The following CCSER1 variants were observed in gnomAD, a reference collection of about 807,000 sequenced individuals.
The protein encoded by CCSER1 is coiled-coil serine rich protein 1.
Under a neutral mutation model 82.0 loss-of-function variants are expected in CCSER1, and 41 were observed. The observed-to-expected ratio is 0.50, with a 90% CI of 0.39 to 0.65. CCSER1 has a LOEUF of 0.65. Among genes scored for constraint, CCSER1 ranks in the 30% least tolerant of loss-of-function variants. The pLI, the probability that CCSER1 is intolerant of heterozygous loss-of-function variation, is 0.00. For missense variants in CCSER1, 1,119 were observed against 1,064.2 expected (o/e 1.05, Z -0.72); for synonymous variants, 414 against 383.9 (o/e 1.08, Z -0.92).
At chr4:91,106,365 C>T (rs1725614973) in intron 10 of CCSER1, among the ~76,000 whole-genome samples, 1 of 152,130 alleles carries the variant, frequency 6.6e-6, no homozygotes, top group Non-Finnish European at 1.5e-5. Flanking sequence ...AAATATGTCT[C>T]CAGTGTAAAA....
At chr4:90,582,972 C>T (rs2148646958) in intron 5 of CCSER1, among the ~76,000 whole-genome samples, 1 of 152,228 alleles carries the variant, frequency 6.6e-6, no homozygotes, top group Non-Finnish European at 1.5e-5. Context: ...AGAATCATTA[C>T]TAATACCATT....
At position 90,835,626 on chromosome 4, in the gene CCSER1, T is replaced by C. The variant is rs532430419; in HGVS notation, c.2094+19781T>C. 1.8e-4 allele frequency among the ~76,000 whole-genome samples: 27 copies of C among 152,290 alleles called. 1 individual carries two copies. In the South Asian group the frequency reaches 2.1e-3, roughly 12 times the overall value. ...TTTAAATCTGGTTGCAAGACATTTT[T>C]TTTTTCTTTCTTCATACATCATCGA... On this transcript the variant is annotated intron_variant, in intron 8 of 10. Coordinates refer to ENST00000509176, the MANE Select transcript of CCSER1 (RefSeq NM_001145065.2).
intron 1 of CCSER1, among the ~76,000 whole-genome samples, chr4:90,236,834 T>G (rs1258191646): frequency 3.9e-5 from 6 of 152,244 alleles, no homozygotes; most frequent in African/African-American, 1.4e-4. Flanking sequence ...TGTTAGATGT[T>G]GTCATACTGT....
At chr4:91,474,051 G>T (rs1185478417) in intron 10 of CCSER1, among the ~76,000 whole-genome samples, 1 of 152,028 alleles carries the variant, frequency 6.6e-6, no homozygotes, top group Non-Finnish European at 1.5e-5. Context: ...GATTTTCAGA[G>T]TCATGAGTAA....
Position 91,432,049 on chromosome 4 carries a change from C to T in CCSER1, c.2218-166523C>T, listed in dbSNP as rs190289225. Reference sequence around the variant, plus strand: ...GGATCACCAGGGCAGTTCCCCTATGCTGTTCTCATGATAGTGAGGGAGTTC... The same window carrying T: ...GGATCACCAGGGCAGTTCCCCTATGTTGTTCTCATGATAGTGAGGGAGTTC... On this transcript the variant is annotated intron_variant, in intron 10 of 10. Transcript: ENST00000509176. 1.6e-3 allele frequency among the ~76,000 whole-genome samples: 246 copies of T among 152,214 alleles called. 1 individual carries two copies. Among genetic ancestry groups the T allele is most frequent in the Non-Finnish European group, 2.9e-3 (198 of 68,024 alleles).
chr4:91,308,335 C>T (rs971051683), intron 10 of CCSER1, among the ~76,000 whole-genome samples: 3 of 151,956 alleles, frequency 2.0e-5, no homozygotes, highest in Non-Finnish European at 4.4e-5. Flanking sequence ...TTATGCTAGA[C>T]ATTAAAATGT....
chr4:90,863,094 C>T (rs999736416), intron 8 of CCSER1, among the ~76,000 whole-genome samples: 11 of 151,352 alleles, frequency 7.3e-5, no homozygotes, highest in African/African-American at 2.4e-4. Context: ...CCCCGCTCCC[C>T]CCACCCCACA....
At chr4:90,268,896 T>C (rs1271978305) in intron 1 of CCSER1, among the ~76,000 whole-genome samples, 1 of 151,916 alleles carries the variant, frequency 6.6e-6, no homozygotes, top group Non-Finnish European at 1.5e-5. Flanking sequence ...TAAGAGTAGC[T>C]ACACTTACAT....
chr4:91,054,945 G>C (rs892797379), intron 9 of CCSER1, among the ~76,000 whole-genome samples: 1 of 152,162 alleles, frequency 6.6e-6, no homozygotes, highest in African/African-American at 2.4e-5. Flanking sequence ...GCCAATCTCT[G>C]TCATTCTATC....
rs1730348565 is a variant in CCSER1, at chr4:90,933,027, AG to A, written c.2172+9581del. ...AAGAAAGAAAGAAAGAAAGAAAGAAAGAAAGAAAGAAAGAAAGAGAAGGAAG... is the reference window on the plus strand; with the variant it reads ...AAGAAAGAAAGAAAGAAAGAAAGAAAAAAGAAAGAAAGAAAGAGAAGGAAG... On this transcript the variant is annotated intron_variant, in intron 9 of 10. Transcript: ENST00000509176. Among the ~76,000 whole-genome samples, 2 of 83,806 alleles carry A rather than the reference AG, an allele frequency of 2.4e-5. 1 individual carries two copies. Among genetic ancestry groups the A allele is most frequent in the Non-Finnish European group, 4.5e-5 (2 of 44,582 alleles). 55.0% of individuals were successfully genotyped at this position (83,806 alleles called of 152,430 possible). A position where few individuals can be genotyped will look rare whatever the true frequency, so the allele number is the denominator to read the frequency against.
intron 8 of CCSER1, among the ~76,000 whole-genome samples, chr4:90,888,456 A>G (rs1301439817): frequency 2.0e-5 from 3 of 152,104 alleles, no homozygotes; most frequent in South Asian, 4.1e-4. Flanking sequence ...AATCCTTTCT[A>G]TTTTCTGAAA....
intron 7 of CCSER1, among the ~76,000 whole-genome samples, chr4:90,758,744 T>A (rs1420398966): frequency 6.6e-6 from 1 of 152,116 alleles, no homozygotes; most frequent in African/African-American, 2.4e-5. Flanking sequence ...CTGCAAAGAA[T>A]GATAAAATGA....
intron 5 of CCSER1, among the ~76,000 whole-genome samples, chr4:90,481,520 G>C (rs115347424): frequency 0.015 from 2,224 of 152,102 alleles, 34 homozygotes; most frequent in African/African-American, 0.043. Flanking sequence ...CATAGAAAGC[G>C]CTTATTATTT....
intron 5 of CCSER1, among the ~76,000 whole-genome samples, chr4:90,597,220 G>A (rs190762243): frequency 2.2e-4 from 34 of 151,992 alleles, no homozygotes; most frequent in African/African-American, 7.7e-4. Flanking sequence ...ACCTGCAGTA[G>A]GAAAATCAAA....
intron 1 of CCSER1, among the ~76,000 whole-genome samples, chr4:90,179,568 A>G (rs1447446841): frequency 1.3e-5 from 2 of 152,142 alleles, no homozygotes; most frequent in African/African-American, 4.8e-5. Context: ...AATTTTGTAC[A>G]GAGAGGGTCT....
At chr4:91,237,726 A>G (rs1739127032) in intron 10 of CCSER1, among the ~76,000 whole-genome samples, 1 of 152,218 alleles carries the variant, frequency 6.6e-6, no homozygotes, top group South Asian at 2.1e-4. Context: ...AGAGACTGAC[A>G]GAGGAGAGAG....
At chr4:90,352,666 C>CA (rs34070285) in intron 3 of CCSER1, among the ~76,000 whole-genome samples, 99 of 149,898 alleles carry the variant, frequency 6.6e-4, no homozygotes, top group Non-Finnish European at 1.0e-3. Flanking sequence ...TCTCAAAAAA[C>CA]AAAAAAAAAA....
At position 90,628,082 on chromosome 4, in the gene CCSER1, C is replaced by A; in HGVS notation, c.1782C>A (p.Ile594=). The A allele has an allele frequency of 2.5e-6, 4 of 1,613,602 alleles. No individual in the cohort carries two copies. Among genetic ancestry groups the A allele is most frequent in the Non-Finnish European group, 3.4e-6 (4 of 1,179,682 alleles). ...ATCAAGAAGCCAGGTGTTCCCACAT[C>A]AGCCGAATGCCCAACAGTCCATCTG... The part of the protein sequence containing the change: ...DVDQEARCSH[I]SRMPNSPSAD... Residue 594 remains isoleucine, a synonymous_variant, in exon 6 of 11, where the codon ATC becomes ATA. Transcript: ENST00000509176.
At chr4:90,707,259 T>A (rs915772418) in intron 6 of CCSER1, among the ~76,000 whole-genome samples, 1 of 151,982 alleles carries the variant, frequency 6.6e-6, no homozygotes, top group African/African-American at 2.4e-5. Flanking sequence ...TTTTCAATAA[T>A]CTTGTTCTCA....
Sources: allele counts gnomAD v4.1 joint callset (sites outside exome capture counted in the v4.1 genomes callset), GRCh38; gene constraint gnomAD v4.1.1; transcripts MANE v1.5; gene names NCBI Gene and HGNC (gene_info 2026-07-23, HGNC 2026-07-21).